ACSS3: variants seen among roughly 807,000 people sequenced by gnomAD.
The protein encoded by ACSS3 is acyl-CoA synthetase short-chain family member 3, mitochondrial.
In ACSS3, 64 loss-of-function variants were observed where a neutral mutation model predicts 84.2. That is an observed-to-expected ratio of 0.76 (90% CI 0.62 to 0.94). The LOEUF is 0.94. Among genes scored for constraint, ACSS3 ranks in the 40% least tolerant of loss-of-function variants. The pLI, the probability that ACSS3 is intolerant of heterozygous loss-of-function variation, is 0.00. For missense variants in ACSS3, 815 were observed against 867.6 expected (o/e 0.94, Z 0.76); for synonymous variants, 317 against 310.1 (o/e 1.02, Z -0.23).
intron 2 of ACSS3, among the ~76,000 whole-genome samples, chr12:81,131,838 G>C (rs11832888): frequency 0.11 from 16,047 of 152,122 alleles, 1,085 homozygotes; most frequent in East Asian, 0.21. Context: ...TAGCATGAAA[G>C]GCTGTTGAAT....
chr12:81,163,975 C>A (rs553552304), intron 7 of ACSS3, among the ~76,000 whole-genome samples: 45 of 152,108 alleles, frequency 3.0e-4, no homozygotes, highest in Admixed American at 3.3e-4. Context: ...AATAAAACTA[C>A]TTCTTTAGAA....
At chr12:81,134,435 T>G (rs893265526) in intron 2 of ACSS3, among the ~76,000 whole-genome samples, 2 of 152,168 alleles carry the variant, frequency 1.3e-5, no homozygotes, top group African/African-American at 4.8e-5. Flanking sequence ...ACCTGACAGA[T>G]TCACCTTTTG....
Position 81,105,241 on chromosome 12 carries a change from A to AT in ACSS3, c.312-4312dup, listed in dbSNP as rs1477770183. Among the ~76,000 whole-genome samples the AT allele has an allele frequency of 2.0e-5, 3 of 152,248 alleles. No homozygotes were observed. In the East Asian group the frequency reaches 5.8e-4, roughly 29 times the overall value. ...AACAATTATGAACACATTCAAAACA[A>AT]TTTTTTTAGAAAGTTTCCATAAATA... is the stretch of plus-strand genomic sequence containing the variant. On this transcript the variant is annotated intron_variant, in intron 1 of 15. Transcript: ENST00000548058.
intron 8 of ACSS3, among the ~76,000 whole-genome samples, chr12:81,195,361 G>T (rs2031776759): frequency 6.6e-6 from 1 of 151,620 alleles, no homozygotes; most frequent in South Asian, 2.1e-4. Flanking sequence ...AAAGTTATAG[G>T]TATATCAACC....
chr12:81,101,232 G>A (rs1214179803), intron 1 of ACSS3, among the ~76,000 whole-genome samples: 3 of 152,066 alleles, frequency 2.0e-5, no homozygotes, highest in Non-Finnish European at 4.4e-5. Context: ...ATTTTTATTT[G>A]ATTATAATTA....
At chr12:81,184,821 A>AT (rs2031161585) in intron 8 of ACSS3, among the ~76,000 whole-genome samples, 1 of 151,764 alleles carries the variant, frequency 6.6e-6, no homozygotes, top group Admixed American at 6.6e-5. Context: ...AAAATAATTT[A>AT]TATCAATATT....
At chr12:81,079,361 TG>T (rs1369839786) in intron 1 of ACSS3, among the ~76,000 whole-genome samples, 1 of 152,182 alleles carries the variant, frequency 6.6e-6, no homozygotes, top group Admixed American at 6.5e-5. Flanking sequence ...TGCTCTCATC[TG>T]CCAGCCATTA....
At chr12:81,144,519 C>T (rs1886233580) in intron 5 of ACSS3, among the ~76,000 whole-genome samples, 1 of 152,146 alleles carries the variant, frequency 6.6e-6, no homozygotes, top group South Asian at 2.1e-4. Context: ...GCACACTAGC[C>T]ACCTGGAGTC....
At chr12:81,153,042 AGAT>A (rs1385799511) in intron 7 of ACSS3, among the ~76,000 whole-genome samples, 15 of 144,764 alleles carry the variant, frequency 1.0e-4, no homozygotes, top group Non-Finnish European at 3.1e-5. Context: ...AGTTTAATTG[AGAT>A]GATAAAAAAA....
intron 9 of ACSS3, among the ~76,000 whole-genome samples, chr12:81,213,844 TCC>T (rs1425940521): frequency 3.5e-3 from 216 of 60,918 alleles, no homozygotes; most frequent in East Asian, 6.1e-3. Flanking sequence ...TTCTCTTCTC[TCC>T]TCTCCTCTCT....
chr12:81,171,062 C>T (rs955360027), intron 7 of ACSS3, among the ~76,000 whole-genome samples: 6 of 152,060 alleles, frequency 3.9e-5, no homozygotes, highest in African/African-American at 1.4e-4. Flanking sequence ...TTATTGGACA[C>T]AAATAGCTTG....
chr12:81,121,684 C>T (rs2121545575), intron 2 of ACSS3, among the ~76,000 whole-genome samples: 1 of 152,088 alleles, frequency 6.6e-6, no homozygotes, highest in East Asian at 1.9e-4. Flanking sequence ...TCTACTGGAG[C>T]TGAATGACTG....
intron 7 of ACSS3, among the ~76,000 whole-genome samples, chr12:81,163,785 G>T (rs1334635788): frequency 6.6e-6 from 1 of 152,106 alleles, no homozygotes; most frequent in Non-Finnish European, 1.5e-5. Flanking sequence ...TTTAAAAATT[G>T]AAATTTTTAA....
chr12:81,136,021 C>G (rs2525843), intron 3 of ACSS3, among the ~76,000 whole-genome samples: 2 of 151,896 alleles, frequency 1.3e-5, no homozygotes, highest in African/African-American at 4.8e-5. Flanking sequence ...GTTCCTGACA[C>G]TGTCTTTGCA....
intron 5 of ACSS3, among the ~76,000 whole-genome samples, chr12:81,147,444 C>T (rs1361268460): frequency 6.6e-6 from 1 of 152,182 alleles, no homozygotes; most frequent in African/African-American, 2.4e-5. Flanking sequence ...ATGTTGTCCT[C>T]ACTGTGCTCA....
chr12:81,219,878 T>G (rs760654315), intron 10 of ACSS3, 135 bp from the exon 11 acceptor site: 1 of 455,488 alleles, frequency 2.2e-6, no homozygotes, highest in Non-Finnish European at 3.7e-6. Flanking sequence ...AGTTTATATT[T>G]GTTCATGGTC....
intron 1 of ACSS3, among the ~76,000 whole-genome samples, chr12:81,093,708 CATAACTAT>C: frequency 6.6e-6 from 1 of 151,918 alleles, no homozygotes; most frequent in African/African-American, 2.4e-5. Context: ...TAACATCTTA[CATAACTAT>C]AGTACATTAT....
At chr12:81,212,905 G>A (rs1350880003) in intron 9 of ACSS3, among the ~76,000 whole-genome samples, 1 of 152,130 alleles carries the variant, frequency 6.6e-6, no homozygotes, top group Non-Finnish European at 1.5e-5. Flanking sequence ...GTGCTAAGGT[G>A]ACATTCTTCA....
chr12:81,226,373 A>G (rs2033270560), intron 11 of ACSS3, among the ~76,000 whole-genome samples: 1 of 151,622 alleles, frequency 6.6e-6, no homozygotes, highest in Non-Finnish European at 1.5e-5. Flanking sequence ...ATTTAGCCGT[A>G]GAACTATTTT....
Sources: allele counts gnomAD v4.1 joint callset (sites outside exome capture counted in the v4.1 genomes callset), GRCh38; gene constraint gnomAD v4.1.1; transcripts MANE v1.5; gene names NCBI Gene and HGNC (gene_info 2026-07-23, HGNC 2026-07-21).